COL28A1: variants seen among roughly 807,000 people sequenced by gnomAD.
The protein encoded by COL28A1 is collagen alpha-1(XXVIII) chain.
In COL28A1, 161 loss-of-function variants were observed where a neutral mutation model predicts 150.2. The observed-to-expected ratio is 1.07, with a 90% CI of 0.94 to 1.22. The LOEUF (loss-of-function observed/expected upper bound fraction) is 1.22, where lower values mean the gene tolerates loss of function less well. Among genes scored for constraint, COL28A1 ranks in the 50% most tolerant of loss-of-function variants. The probability of loss-of-function intolerance (pLI) is 0.00; values close to 1 mark genes in which losing one functional copy is unlikely to be tolerated. For missense variants in COL28A1, 1,617 were observed against 1,388.3 expected, an observed-to-expected ratio of 1.16 and a Z score of -2.62; for synonymous variants, 552 against 469.7, an observed-to-expected ratio of 1.18 and a Z score of -2.26.
At chr7:7,418,854 T>C (rs1784245265) in intron 26 of COL28A1, among the ~76,000 whole-genome samples, 1 of 152,182 alleles carries the variant, frequency 6.6e-6, no homozygotes, top group Non-Finnish European at 1.5e-5. Flanking sequence ...TCTTCATCCA[T>C]TTAAAGTGAT....
chr7:7,517,985 GGCA>G, intron 6 of COL28A1, 148 bp from the exon 7 acceptor site: 1 of 818,416 alleles, frequency 1.2e-6, no homozygotes, highest in Non-Finnish European at 1.7e-6. Context: ...ATGCAATCTA[GGCA>G]AAAAAAAAAA....
chr7:7,358,920 C>T (rs751742158), intron 34 of COL28A1, 115 bp from the exon 35 acceptor site: 21 of 808,600 alleles, frequency 2.6e-5, no homozygotes, highest in Non-Finnish European at 3.3e-5. Context: ...ACTAACAAAC[C>T]AAGAAAATAT....
At chr7:7,374,043 A>AT (rs1345371875) in intron 31 of COL28A1, among the ~76,000 whole-genome samples, 3 of 132,548 alleles carry the variant, frequency 2.3e-5, no homozygotes, top group African/African-American at 9.1e-5. Flanking sequence ...AAAAAAATAT[A>AT]TATATATATA....
At chr7:7,378,187 CAG>C (rs1460981964) in intron 30 of COL28A1, among the ~76,000 whole-genome samples, 1 of 152,194 alleles carries the variant, frequency 6.6e-6, no homozygotes, top group African/African-American at 2.4e-5. Flanking sequence ...GCTGTTAAAA[CAG>C]GGACTAAAAG....
intron 27 of COL28A1, among the ~76,000 whole-genome samples, chr7:7,409,958 A>G (rs929669593): frequency 1.6e-4 from 24 of 152,340 alleles, no homozygotes; most frequent in Middle Eastern, 3.4e-3. Context: ...ATTGGCTATT[A>G]AAAAGGAAAA....
chr7:7,538,862 A>G (rs1418938876), upstream of COL28A1, among the ~76,000 whole-genome samples: 1 of 152,026 alleles, frequency 6.6e-6, no homozygotes, highest in Non-Finnish European at 1.5e-5. Flanking sequence ...GTAGAAAAAA[A>G]AAAACATTAC....
intron 13 of COL28A1, among the ~76,000 whole-genome samples, chr7:7,478,292 C>T (rs530215288): frequency 2.7e-5 from 4 of 149,108 alleles, no homozygotes; most frequent in South Asian, 4.3e-4. Context: ...GCTCCAAGTC[C>T]CCACCAGATT....
chr7:7,477,807 G>A (rs1789038466), intron 13 of COL28A1, among the ~76,000 whole-genome samples: 1 of 152,132 alleles, frequency 6.6e-6, no homozygotes, highest in Non-Finnish European at 1.5e-5. Flanking sequence ...GCTGGCTAGG[G>A]CAGCCTGCTT....
chr7:7,394,436 A>G (rs1361664930), intron 27 of COL28A1, among the ~76,000 whole-genome samples: 1 of 152,244 alleles, frequency 6.6e-6, no homozygotes, highest in Non-Finnish European at 1.5e-5. Flanking sequence ...ATTTTATAGT[A>G]TGGGAAACTA....
chr7:7,427,090 A>G (rs548280726), intron 25 of COL28A1, among the ~76,000 whole-genome samples: 1 of 152,358 alleles, frequency 6.6e-6, no homozygotes, highest in East Asian at 1.9e-4. Context: ...GAAGAGAAAT[A>G]CAAAGCTAGG....
chr7:7,488,982 G>A (rs867256671), intron 13 of COL28A1, among the ~76,000 whole-genome samples: 1 of 152,188 alleles, frequency 6.6e-6, no homozygotes, highest in East Asian at 1.9e-4. Context: ...TCTGGTTCTC[G>A]CATATTTATT....
At chr7:7,539,738 C>T (rs1379208962), upstream of COL28A1, among the ~76,000 whole-genome samples, 1 of 152,184 alleles carries the variant, frequency 6.6e-6, no homozygotes, top group Non-Finnish European at 1.5e-5. Context: ...GATCCTTCCA[C>T]ATTCCCTCTA....
At chr7:7,433,085 G>A (rs1483426990) in intron 23 of COL28A1, among the ~76,000 whole-genome samples, 1 of 152,090 alleles carries the variant, frequency 6.6e-6, no homozygotes, top group Non-Finnish European at 1.5e-5. Context: ...AAGTTATGAA[G>A]GGATAGAGTT....
chr7:7,538,592 G>A (rs570234754), upstream of COL28A1, among the ~76,000 whole-genome samples: 19 of 152,160 alleles, frequency 1.2e-4, no homozygotes, highest in South Asian at 3.9e-3. Flanking sequence ...CATCTGCATT[G>A]TGTTTATTGA....
intron 6 of COL28A1, among the ~76,000 whole-genome samples, chr7:7,518,830 T>A (rs1781557070): frequency 1.3e-5 from 2 of 152,194 alleles, no homozygotes; most frequent in South Asian, 4.1e-4. Context: ...AAAATGTAAG[T>A]ATCACTACTA....
intron 27 of COL28A1, among the ~76,000 whole-genome samples, chr7:7,393,581 C>T (rs1190867246): frequency 1.3e-5 from 2 of 148,864 alleles, no homozygotes; most frequent in Admixed American, 6.8e-5. Context: ...GGTGCTCTGT[C>T]CGAGGGAGAC....
intron 4 of COL28A1, 136 bp from the exon 5 acceptor site, chr7:7,522,097 T>C (rs1781759581): frequency 4.3e-6 from 3 of 705,660 alleles, no homozygotes; most frequent in Non-Finnish European, 7.7e-6. Context: ...GTATTCAGTA[T>C]ATAACCAACT....
intron 19 of COL28A1, among the ~76,000 whole-genome samples, chr7:7,444,074 G>A (rs944910604): frequency 9.4e-5 from 13 of 138,428 alleles, no homozygotes; most frequent in Non-Finnish European, 1.8e-4. Context: ...TCTTTACAAA[G>A]GCCTTATTTC....
At chr7:7,527,189 T>C (rs1032372682) in intron 3 of COL28A1, among the ~76,000 whole-genome samples, 7 of 152,182 alleles carry the variant, frequency 4.6e-5, no homozygotes, top group Non-Finnish European at 1.0e-4. Context: ...AACTACACAA[T>C]AGATAAGACT....
Sources: allele counts gnomAD v4.1 joint callset (sites outside exome capture counted in the v4.1 genomes callset), GRCh38; gene constraint gnomAD v4.1.1; transcripts MANE v1.5; gene names NCBI Gene and HGNC (gene_info 2026-07-23, HGNC 2026-07-21).